MASTL: variants seen among roughly 807,000 people sequenced by gnomAD.
MASTL encodes the protein serine/threonine-protein kinase greatwall.
Under a neutral mutation model 82.5 loss-of-function variants are expected in MASTL, and 54 were observed. The ratio of observed to expected loss-of-function variants is 0.65; its 90% confidence interval spans 0.53 to 0.82. The LOEUF (loss-of-function observed/expected upper bound fraction) is 0.82, where lower values mean the gene tolerates loss of function less well. MASTL is among the 40% of genes least tolerant of loss of function. The pLI is 0.00. For synonymous variants in MASTL, 323 were observed against 368.9 expected (o/e 0.88, Z 1.43); for missense variants, 950 against 1,047.8 (o/e 0.91, Z 1.29).
intron 1 of MASTL, among the ~76,000 whole-genome samples, chr10:27,155,905 G>A (rs894429493): frequency 6.6e-6 from 1 of 152,244 alleles, no homozygotes; most frequent in African/African-American, 2.4e-5. Flanking sequence ...TGAGGCCAAA[G>A]GCAAAGGGAC....
chr10:27,184,554 ATTTTTTTT>A (rs752147433), intron 11 of MASTL, among the ~76,000 whole-genome samples: 13 of 84,858 alleles, frequency 1.5e-4, no homozygotes, highest in South Asian at 1.4e-3. Context: ...TATAAGAAGG[ATTTTTTTT>A]TTTTTTTTTT....
chr10:27,164,487 A>G (rs1216124289), intron 4 of MASTL, among the ~76,000 whole-genome samples: 1 of 152,208 alleles, frequency 6.6e-6, no homozygotes, highest in Non-Finnish European at 1.5e-5. Context: ...GTGGAATAGT[A>G]TAGTATTATG....
intron 11 of MASTL, among the ~76,000 whole-genome samples, chr10:27,185,548 G>A (rs1426688871): frequency 3.4e-5 from 5 of 148,494 alleles, no homozygotes; most frequent in East Asian, 4.0e-4. Flanking sequence ...TGGGAGAATC[G>A]CTTGAACCCG....
At chr10:27,176,156 C>T (rs1367581412) in intron 9 of MASTL, among the ~76,000 whole-genome samples, 2 of 151,962 alleles carry the variant, frequency 1.3e-5, no homozygotes, top group Non-Finnish European at 2.9e-5. Context: ...CCTCTGTTCC[C>T]TACCTCAGTT....
chr10:27,183,912 G>A (rs2058475410), intron 11 of MASTL, among the ~76,000 whole-genome samples: 1 of 151,996 alleles, frequency 6.6e-6, no homozygotes, highest in Admixed American at 6.6e-5. Context: ...GGGTTTTGCT[G>A]TGTTGCCCAG....
rs901574611 is a variant in MASTL, at chr10:27,159,510, C to T, written c.325-109C>T. On this transcript the variant is annotated intron_variant, in intron 2 of 11. Transcript: ENST00000375940. The surrounding 1 kb of genome is among the most constrained non-coding windows in gnomAD (Gnocchi z 4.0). Reference sequence around the variant, plus strand: ...ATTACGAGTAATAGCAAGAAAAGGTCGTTTCATTACAGAGCCATGCCAAAT... The same window carrying T: ...ATTACGAGTAATAGCAAGAAAAGGTTGTTTCATTACAGAGCCATGCCAAAT... 3 of 713,070 alleles carry T rather than the reference C, an allele frequency of 4.2e-6. No individual in the cohort carries two copies. The highest frequency in any genetic ancestry group is 1.8e-5 in the African/African-American group (1 of 55,888). 44.2% of individuals were successfully genotyped at this position (713,070 alleles called of 1,614,324 possible).
chr10:27,156,829 A>ATTTTT (rs10660334), intron 1 of MASTL, among the ~76,000 whole-genome samples: 1 of 122,374 alleles, frequency 8.2e-6, no homozygotes, highest in African/African-American at 3.2e-5. Flanking sequence ...CCTGCTATGA[A>ATTTTT]TTTTTTTTTT....
intron 9 of MASTL, among the ~76,000 whole-genome samples, chr10:27,175,169 T>TTTA (rs1174954834): frequency 8.0e-6 from 1 of 125,378 alleles, no homozygotes; most frequent in African/African-American, 3.0e-5. Flanking sequence ...TGAAAATTCT[T>TTTA]TTATTTATTA....
chr10:27,174,591 G>A (rs2058046467), intron 9 of MASTL, among the ~76,000 whole-genome samples: 1 of 152,070 alleles, frequency 6.6e-6, no homozygotes, highest in East Asian at 1.9e-4. Flanking sequence ...GAAACCTGTA[G>A]GGAAATCCTT....
intron 9 of MASTL, among the ~76,000 whole-genome samples, chr10:27,173,875 G>C (rs183495065): frequency 1.8e-3 from 268 of 151,748 alleles, no homozygotes; most frequent in African/African-American, 6.3e-3. Context: ...CACCGTACCC[G>C]GCCTATCTTA....
chr10:27,181,283 C>T lies in MASTL; in HGVS notation c.2381-197C>T, dbSNP rs113463284. Among the ~76,000 whole-genome samples the T allele has an allele frequency of 0.14, 21,633 of 151,818 alleles. 3,187 individuals carry two copies. The highest frequency in any genetic ancestry group is 0.38 in the African/African-American group (15,710 of 41,374). On this transcript the variant is annotated intron_variant, in intron 10 of 11. Coordinates refer to ENST00000375940, the MANE Select transcript of MASTL (RefSeq NM_001172303.3). ...ACGGGCGCCTGTAATCCCAGCTACT[C>T]GGGAGGCTGAAGCAGGAGAATCGCT... is the stretch of plus-strand genomic sequence containing the variant.
intron 9 of MASTL, chr10:27,177,906 T>C (rs1030070797): frequency 2.6e-6 from 1 of 383,524 alleles, no homozygotes; most frequent in Non-Finnish European, 3.6e-6. Flanking sequence ...AAAAACTATT[T>C]TTCCTTTTAG....
chr10:27,187,184 C>T lies in MASTL; in HGVS notation c.*648C>T, dbSNP rs1449165599. Among the ~76,000 whole-genome samples the T allele has an allele frequency of 6.6e-6, 1 of 152,086 alleles. No individual in the cohort carries two copies. The highest frequency in any genetic ancestry group is 2.4e-5 in the African/African-American group (1 of 41,392). Reference sequence around the variant, plus strand: ...GCATGTTGGTGGGCGCCTGTAGTCCCAGCTACTCTGGAGGCTGAGGCAGGA... The same window carrying T: ...GCATGTTGGTGGGCGCCTGTAGTCCTAGCTACTCTGGAGGCTGAGGCAGGA... On this transcript the variant is annotated 3_prime_UTR_variant, in exon 12 of 12. Transcript: ENST00000375940.
intron 11 of MASTL, among the ~76,000 whole-genome samples, chr10:27,183,071 C>A (rs7086388): frequency 0.1 from 15,402 of 152,094 alleles, 2,553 homozygotes; most frequent in African/African-American, 0.35. Flanking sequence ...TTTCCCTAAT[C>A]TTGCGAGAGA....
rs112511530 is a variant in MASTL at position 27,171,825 on chromosome 10, C to CTTTTTT, written c.2124+759_2124+764dup. On this transcript the variant is annotated intron_variant, in intron 8 of 11. Transcript: ENST00000375940. ...AGAATAAAAGTTGAAAAATATGTTT[C>CTTTTTT]TTTTTTTTTTTTTTTTTTTTTTGAG... Among the ~76,000 whole-genome samples, 679 of 93,558 alleles carry CTTTTTT rather than the reference C, an allele frequency of 7.3e-3. 38 individuals are homozygous for CTTTTTT. The highest frequency in any genetic ancestry group is 0.018 in the African/African-American group (399 of 22,670). The allele number at this position is 93,558 out of a possible 152,430, so 61.4% of individuals were successfully genotyped here. A position where few individuals can be genotyped will look rare whatever the true frequency, so the allele number is the denominator to read the frequency against.
At position 27,181,372 on chromosome 10, in the gene MASTL, CAA is replaced by C. The variant is rs570167407; in HGVS notation, c.2381-107_2381-106del. ...CGCTTTTGCACTCCAGCCTGGGTGACAAGAGTGAAACTCCATCTCAAAAAACA... is the reference window on the plus strand; with the variant it reads ...CGCTTTTGCACTCCAGCCTGGGTGACGAGTGAAACTCCATCTCAAAAAACA... On this transcript the variant is annotated intron_variant, in intron 10 of 11. Transcript: ENST00000375940. 1,414 of 822,724 alleles carry C rather than the reference CAA, an allele frequency of 1.7e-3. 4 individuals are homozygous for C. The highest frequency in any genetic ancestry group is 2.5e-3 in the Non-Finnish European group (1,209 of 492,296). 51.0% of individuals were successfully genotyped at this position (822,724 alleles called of 1,614,324 possible). A position where few individuals can be genotyped will look rare whatever the true frequency, so the allele number is the denominator to read the frequency against.
intron 9 of MASTL, among the ~76,000 whole-genome samples, chr10:27,179,403 A>G (rs1022513012): frequency 1.3e-5 from 2 of 152,090 alleles, no homozygotes; most frequent in Non-Finnish European, 1.5e-5. Flanking sequence ...AAATACAGAA[A>G]AAAATTATCT....
chr10:27,155,387 G>A lies in MASTL; in HGVS notation c.-40G>A. ...CAGTTGGCGGGAGTGGCTGCTCGCG[G>A]AGGGGCAGTGTCTGCGGGGCCGCTG... is the stretch of plus-strand genomic sequence containing the variant. On this transcript the variant is annotated 5_prime_UTR_variant, in exon 1 of 12. Coordinates refer to ENST00000375940, the MANE Select transcript of MASTL (RefSeq NM_001172303.3). The A allele has an allele frequency of 6.4e-7, 1 of 1,556,206 alleles. No individual in the cohort carries two copies. Among genetic ancestry groups the A allele is most frequent in the Non-Finnish European group, 8.7e-7 (1 of 1,150,740 alleles).
intron 9 of MASTL, among the ~76,000 whole-genome samples, chr10:27,174,190 A>G (rs2058033634): frequency 6.6e-6 from 1 of 151,782 alleles, no homozygotes. Flanking sequence ...CCTCACCTCT[A>G]CTAAAAACAC....
Sources: allele counts gnomAD v4.1 joint callset (sites outside exome capture counted in the v4.1 genomes callset), GRCh38; gene constraint gnomAD v4.1.1; non-coding constraint Gnocchi (gnomAD v3.1); transcripts MANE v1.5; gene names NCBI Gene and HGNC (gene_info 2026-07-23, HGNC 2026-07-21).